FHOD3: variants seen among roughly 807,000 people sequenced by gnomAD.
FHOD3 encodes FH1/FH2 domain-containing protein 3.
In FHOD3, 90 loss-of-function variants were observed where a neutral mutation model predicts 173.0. The observed-to-expected ratio is 0.52, with a 90% confidence interval of 0.44 to 0.62. The LOEUF is 0.62. FHOD3 is among the 20% of genes least tolerant of loss of function. The pLI, the probability that FHOD3 is intolerant of heterozygous loss-of-function variation, is 0.00. For synonymous variants in FHOD3, 828 were observed against 823.0 expected (o/e 1.01, Z -0.10); for missense variants, 1,945 against 2,034.7 (o/e 0.96, Z 0.85).
chr18:36,429,668 C>T (rs114781685), intron 3 of FHOD3, among the ~76,000 whole-genome samples: 119 of 152,176 alleles, frequency 7.8e-4, no homozygotes, highest in African/African-American at 2.6e-3. Flanking sequence ...ATATGCAGAA[C>T]GGCAGAAAGG....
intron 5 of FHOD3, among the ~76,000 whole-genome samples, chr18:36,546,472 A>G (rs1330476405): frequency 6.6e-6 from 1 of 152,170 alleles, no homozygotes; most frequent in African/African-American, 2.4e-5. Flanking sequence ...ATCAACAGAA[A>G]ATGGCTATCT....
At chr18:36,647,954 A>T (rs932226005) in intron 10 of FHOD3, among the ~76,000 whole-genome samples, 2 of 152,166 alleles carry the variant, frequency 1.3e-5, no homozygotes, top group African/African-American at 4.8e-5. Flanking sequence ...TTTTGTGAAA[A>T]TTCAGTGGTT....
intron 1 of FHOD3, among the ~76,000 whole-genome samples, chr18:36,346,542 C>T (rs1002514677): frequency 2.6e-5 from 4 of 152,218 alleles, no homozygotes; most frequent in African/African-American, 9.7e-5. Flanking sequence ...ATGTTGGACA[C>T]CACCATATCC....
At chr18:36,326,477 G>C (rs2044676525) in intron 1 of FHOD3, among the ~76,000 whole-genome samples, 1 of 152,134 alleles carries the variant, frequency 6.6e-6, no homozygotes, top group Non-Finnish European at 1.5e-5. Flanking sequence ...CACTTATAAA[G>C]TACTTCAGGT....
At position 36,709,299 on chromosome 18, in the gene FHOD3, G is replaced by A; in HGVS notation, c.2441G>A (p.Arg814Lys). The A allele has an allele frequency of 6.2e-7, 1 of 1,614,246 alleles. No individual in the cohort carries two copies. Among genetic ancestry groups the A allele is most frequent in the Non-Finnish European group, 8.5e-7 (1 of 1,180,054 alleles). ...KERQNEGVNE[R>K]DNCSASSVSS... ...AGGCAGAACGAGGGGGTGAACGAGAGGGACAACTGCTCTGCCTCCAGCGTC... is the reference window on the plus strand; with the variant it reads ...AGGCAGAACGAGGGGGTGAACGAGAAGGACAACTGCTCTGCCTCCAGCGTC... Residue 814 changes from arginine to lysine, a missense_variant, in exon 18 of 29, where the codon AGG becomes AAG. Coordinates refer to ENST00000590592, the MANE Select transcript of FHOD3 (RefSeq NM_001281740.3).
intron 1 of FHOD3, among the ~76,000 whole-genome samples, chr18:36,317,907 G>A (rs1393571208): frequency 6.6e-6 from 1 of 152,118 alleles, no homozygotes; most frequent in Non-Finnish European, 1.5e-5. Flanking sequence ...TTTTGTATAA[G>A]GTATAAGGAA....
At chr18:36,693,940 A>ATGTGGG (rs2149505627) in intron 17 of FHOD3, among the ~76,000 whole-genome samples, 1 of 152,310 alleles carries the variant, frequency 6.6e-6, no homozygotes, top group African/African-American at 2.4e-5. Context: ...ACATGGTTGG[A>ATGTGGG]TGTGGGTGTG....
chr18:36,766,117 A>G (rs1321271229), intron 27 of FHOD3, among the ~76,000 whole-genome samples: 1 of 152,200 alleles, frequency 6.6e-6, no homozygotes, highest in Non-Finnish European at 1.5e-5. Context: ...AATGATAATA[A>G]TGATGGCTCA....
At chr18:36,511,080 C>A (rs2055612423) in intron 4 of FHOD3, among the ~76,000 whole-genome samples, 1 of 152,290 alleles carries the variant, frequency 6.6e-6, no homozygotes, top group Admixed American at 6.5e-5. Context: ...TGGAGATAAG[C>A]CATGGTTGCT....
rs574251519 is a variant in FHOD3, at chr18:36,504,866, G to A, written c.405+2867G>A. On this transcript the variant is annotated intron_variant, in intron 4 of 28. Coordinates refer to ENST00000590592, the MANE Select transcript of FHOD3 (RefSeq NM_001281740.3). ...TAGAAATGAATTTGAAAAATTTTGAGTCCTGACATGATGCCACAAGTAGAA... is the reference window on the plus strand; with the variant it reads ...TAGAAATGAATTTGAAAAATTTTGAATCCTGACATGATGCCACAAGTAGAA... 3.9e-5 allele frequency among the ~76,000 whole-genome samples: 6 copies of A among 152,242 alleles called. No individual in the cohort carries two copies. In the East Asian group the frequency reaches 1.2e-3, roughly 29 times the overall value.
At chr18:36,740,552 C>G (rs1295079023) in intron 20 of FHOD3, 104 bp from the exon 21 acceptor site, 1 of 1,185,346 alleles carries the variant, frequency 8.4e-7, no homozygotes, top group Non-Finnish European at 1.2e-6. Flanking sequence ...GTACATACCT[C>G]TACTACCTGG....
At position 36,364,942 on chromosome 18, in the gene FHOD3, G is replaced by T. The variant is rs546968158; in HGVS notation, c.273-7738G>T. ...GGGCAGAGGCTGGCAAGGAGAGACTGGGGGCTGTGAAGAGAGCCAGCAGGA... is the reference window on the plus strand; with the variant it reads ...GGGCAGAGGCTGGCAAGGAGAGACTTGGGGCTGTGAAGAGAGCCAGCAGGA... On this transcript the variant is annotated intron_variant, in intron 2 of 28. Transcript: ENST00000590592. Among the ~76,000 whole-genome samples the T allele has an allele frequency of 7.9e-5, 12 of 152,252 alleles. No homozygotes were observed. In the South Asian group the frequency reaches 2.5e-3, roughly 32 times the overall value.
intron 3 of FHOD3, among the ~76,000 whole-genome samples, chr18:36,430,483 C>A (rs2050475687): frequency 6.6e-6 from 1 of 152,228 alleles, no homozygotes; most frequent in Admixed American, 6.5e-5. Context: ...CCCAAAAGTG[C>A]TGGGATTACA....
chr18:36,382,112 C>A (rs1159681206), intron 3 of FHOD3, among the ~76,000 whole-genome samples: 1 of 152,148 alleles, frequency 6.6e-6, no homozygotes, highest in African/African-American at 2.4e-5. Context: ...GAGATAGCGA[C>A]CTGATGCAAG....
At chr18:36,333,570 G>A (rs112130128) in intron 1 of FHOD3, among the ~76,000 whole-genome samples, 51 of 152,326 alleles carry the variant, frequency 3.3e-4, no homozygotes, top group East Asian at 1.2e-3. Flanking sequence ...AGTCCACCAC[G>A]TTTACACAAT....
At position 36,625,588 on chromosome 18, in the gene FHOD3, C is replaced by A; in HGVS notation, c.1035C>A (p.Ser345Arg). The change falls in exon 10 of 29, where the codon AGC becomes AGA. Residue 345 changes from serine to arginine, a missense_variant. Ser to Arg is a moderately radical substitution (Grantham distance 110, BLOSUM62 -1). Coordinates refer to ENST00000590592, the MANE Select transcript of FHOD3 (RefSeq NM_001281740.3). ...GGTGCCGGGACCGGAGGAGGGCCAG[C>A]GTGTGTTCCAGTGGCGGAGGCGAGC... is the stretch of plus-strand genomic sequence containing the variant. ...PSGCRDRRRA[S>R]VCSSGGGEHR... The A allele has an allele frequency of 6.4e-7, 1 of 1,571,644 alleles. No individual in the cohort carries two copies. The highest frequency in any genetic ancestry group is 8.7e-7 in the Non-Finnish European group (1 of 1,152,878).
rs1314358973 is a variant in FHOD3, at chr18:36,489,554, C to A, written c.338-12378C>A. Among the ~76,000 whole-genome samples, 3 of 152,030 alleles carry A rather than the reference C, an allele frequency of 2.0e-5. No homozygotes were observed. In the East Asian group the frequency reaches 5.8e-4, roughly 29 times the overall value. ...AGGCATGGTGGTAGACACCTGTGGTCCCAGCTACTTGGGACGCTAAGGTGG... is the reference window on the plus strand; with the variant it reads ...AGGCATGGTGGTAGACACCTGTGGTACCAGCTACTTGGGACGCTAAGGTGG... On this transcript the variant is annotated intron_variant, in intron 3 of 28. Coordinates refer to ENST00000590592, the MANE Select transcript of FHOD3 (RefSeq NM_001281740.3).
rs748740273 is a variant in FHOD3 at position 36,297,930 on chromosome 18, C to T, written c.95C>T (p.Thr32Met). 6.4e-7 allele frequency: 1 copy of T among 1,565,460 alleles called. No homozygotes were observed. The highest frequency in any genetic ancestry group is 8.6e-7 in the Non-Finnish European group (1 of 1,156,462). ...FPEPSRPPLFTFREDLALGTQ... is the reference protein window; with the variant it reads ...FPEPSRPPLFMFREDLALGTQ... ...GAGCCCAGCCGGCCGCCGCTGTTCACGTTCCGCGAGGACCTCGCGCTCGGC... is the reference window on the plus strand; with the variant it reads ...GAGCCCAGCCGGCCGCCGCTGTTCATGTTCCGCGAGGACCTCGCGCTCGGC... The change falls in exon 1 of 29, where the codon ACG (threonine) becomes ATG (methionine). Residue 32 changes from threonine (T) to methionine (M), a missense_variant. Coordinates refer to ENST00000590592, the MANE Select transcript of FHOD3 (RefSeq NM_001281740.3).
At chr18:36,767,234 G>A (rs772782840) in intron 27 of FHOD3, among the ~76,000 whole-genome samples, 4 of 151,986 alleles carry the variant, frequency 2.6e-5, no homozygotes, top group Admixed American at 1.3e-4. Context: ...AGCACAAAAA[G>A]TACAATCTAC....
Sources: allele counts gnomAD v4.1 joint callset (sites outside exome capture counted in the v4.1 genomes callset), GRCh38; gene constraint gnomAD v4.1.1; transcripts MANE v1.5; gene names NCBI Gene and HGNC (gene_info 2026-07-23, HGNC 2026-07-21).